CADM2: variants seen among roughly 807,000 people sequenced by gnomAD.
CADM2 encodes the protein immunoglobulin superfamily member 4D.
A neutral mutation model predicts 49.8 loss-of-function variants in CADM2; 12 were observed. The ratio of observed to expected loss-of-function variants is 0.24; its 90% CI spans 0.15 to 0.39. The LOEUF is 0.39. CADM2 is among the 10% of genes least tolerant of loss of function. CADM2 has a pLI of 1.00. For synonymous variants in CADM2, 214 were observed against 175.4 expected (o/e 1.22, Z -1.74); for missense variants, 378 against 492.3 (o/e 0.77, Z 2.20).
intron 2 of CADM2, among the ~76,000 whole-genome samples, chr3:85,782,337 G>T (rs2070701866): frequency 6.6e-6 from 1 of 152,002 alleles, no homozygotes; most frequent in African/African-American, 2.4e-5. Context: ...TATCTACTCT[G>T]CTATAATGAA....
At chr3:85,734,613 A>G (rs9827625) in intron 2 of CADM2, among the ~76,000 whole-genome samples, 5,622 of 148,510 alleles carry the variant, frequency 0.038, 283 homozygotes, top group South Asian at 0.11. Context: ...ACATATATGT[A>G]TATATACATA....
At chr3:85,617,394 TAGGGTG>T (rs1447670466) in intron 1 of CADM2, among the ~76,000 whole-genome samples, 1 of 152,098 alleles carries the variant, frequency 6.6e-6, no homozygotes, top group Non-Finnish European at 1.5e-5. Flanking sequence ...AAGCAATACA[TAGGGTG>T]AGGTCTGGAG....
At chr3:84,974,946 G>A (rs2031722611) in intron 1 of CADM2, among the ~76,000 whole-genome samples, 1 of 151,768 alleles carries the variant, frequency 6.6e-6, no homozygotes, top group Admixed American at 6.6e-5. Flanking sequence ...GGTTGATTTA[G>A]TGTAAAATGC....
intron 8 of CADM2, among the ~76,000 whole-genome samples, chr3:86,052,458 T>C (rs1404559274): frequency 1.3e-5 from 2 of 152,174 alleles, no homozygotes; most frequent in Non-Finnish European, 2.9e-5. Context: ...GAATGCATCT[T>C]AGAGCTTTCA....
chr3:85,061,914 A>T (rs2036332826), intron 1 of CADM2, among the ~76,000 whole-genome samples: 1 of 151,872 alleles, frequency 6.6e-6, no homozygotes, highest in Non-Finnish European at 1.5e-5. Flanking sequence ...TTCTGTTAGA[A>T]CTTTTTCTTA....
intron 6 of CADM2, among the ~76,000 whole-genome samples, chr3:85,916,294 T>C (rs1718306208): frequency 6.6e-6 from 1 of 151,758 alleles, no homozygotes; most frequent in Admixed American, 6.6e-5. Flanking sequence ...TAGCGTTAGG[T>C]ATATCTCCTA....
chr3:85,604,695 G>A (rs539278827), intron 1 of CADM2, among the ~76,000 whole-genome samples: 1 of 151,486 alleles, frequency 6.6e-6, no homozygotes, highest in East Asian at 1.9e-4. Flanking sequence ...TTTGTTGTCT[G>A]TTAATTAATT....
chr3:85,616,090 T>C (rs777544481), intron 1 of CADM2, among the ~76,000 whole-genome samples: 18 of 151,852 alleles, frequency 1.2e-4, no homozygotes, highest in Non-Finnish European at 2.6e-4. Flanking sequence ...AGCCTCGAGG[T>C]AAGCTGTGAT....
At chr3:85,072,436 T>G (rs188583269) in intron 1 of CADM2, among the ~76,000 whole-genome samples, 3 of 152,210 alleles carry the variant, frequency 2.0e-5, no homozygotes, top group Non-Finnish European at 4.4e-5. Context: ...AGTGAATGGC[T>G]GTTCAATTAG....
At chr3:85,602,387 A>T (rs992345082) in intron 1 of CADM2, among the ~76,000 whole-genome samples, 5 of 151,856 alleles carry the variant, frequency 3.3e-5, no homozygotes, top group Non-Finnish European at 5.9e-5. Context: ...TGAACGAAGT[A>T]ACTAAATATT....
intron 1 of CADM2, among the ~76,000 whole-genome samples, chr3:85,347,878 G>T (rs1223104260): frequency 6.6e-6 from 1 of 150,560 alleles, no homozygotes; most frequent in Non-Finnish European, 1.5e-5. Flanking sequence ...CACGATCTCC[G>T]CTCAGTGCAA....
At chr3:85,327,456 A>G (rs1470290984) in intron 1 of CADM2, among the ~76,000 whole-genome samples, 2 of 151,136 alleles carry the variant, frequency 1.3e-5, no homozygotes, top group African/African-American at 4.9e-5. Flanking sequence ...GAGTTTTGCT[A>G]TGTTGGCCAG....
intron 1 of CADM2, among the ~76,000 whole-genome samples, chr3:85,023,700 G>A (rs1319714983): frequency 6.6e-6 from 1 of 152,002 alleles, no homozygotes; most frequent in Non-Finnish European, 1.5e-5. Context: ...TTTCAACATG[G>A]AAAAATTTCT....
At chr3:85,133,939 G>T (rs1392843632) in intron 1 of CADM2, among the ~76,000 whole-genome samples, 2 of 152,222 alleles carry the variant, frequency 1.3e-5, no homozygotes, top group Non-Finnish European at 2.9e-5. Flanking sequence ...GGCTCAGGCC[G>T]CACAGGAGCC....
intron 1 of CADM2, among the ~76,000 whole-genome samples, chr3:85,401,033 A>G (rs1237063320): frequency 1.3e-5 from 2 of 152,220 alleles, no homozygotes; most frequent in Non-Finnish European, 2.9e-5. Context: ...GAAACAGGTT[A>G]TGAACTTCGA....
At chr3:85,489,757 TGAGA>T (rs776916810) in intron 1 of CADM2, among the ~76,000 whole-genome samples, 10 of 66,040 alleles carry the variant, frequency 1.5e-4, no homozygotes, top group South Asian at 4.5e-4. Context: ...TGTGTGTGTG[TGAGA>T]GAGAGAGAGA....
intron 1 of CADM2, among the ~76,000 whole-genome samples, chr3:85,355,823 G>T (rs994134841): frequency 2.6e-5 from 4 of 152,036 alleles, no homozygotes; most frequent in Non-Finnish European, 5.9e-5. Context: ...GAATAAAGGA[G>T]GGGAAGAAGA....
At chr3:85,953,555 C>G (rs1577761878) in intron 7 of CADM2, among the ~76,000 whole-genome samples, 1 of 150,870 alleles carries the variant, frequency 6.6e-6, no homozygotes, top group East Asian at 2.0e-4. Flanking sequence ...TTTCATAAAG[C>G]CTATTAGAAT....
At chr3:85,661,550 G>C (rs1312492221) in intron 1 of CADM2, among the ~76,000 whole-genome samples, 1 of 151,978 alleles carries the variant, frequency 6.6e-6, no homozygotes, top group Non-Finnish European at 1.5e-5. Flanking sequence ...GGGGTTGTCT[G>C]TCTCTTAGGG....
Sources: gnomAD v4.1 joint callset for allele counts (sites outside exome capture counted in the v4.1 genomes callset) on GRCh38, gnomAD v4.1.1 for gene constraint, MANE v1.5 for transcripts, NCBI Gene and HGNC (gene_info 2026-07-23, HGNC 2026-07-21) for gene names.